ZNF217: variants seen among roughly 807,000 people sequenced by gnomAD.
ZNF217 encodes zinc finger protein 217.
A neutral mutation model predicts 73.3 loss-of-function variants in ZNF217; 12 were observed. The observed-to-expected ratio is 0.16, with a 90% CI of 0.10 to 0.27. The LOEUF (loss-of-function observed/expected upper bound fraction) is 0.27, where lower values mean the gene tolerates loss of function less well. Among genes scored for constraint, ZNF217 ranks in the 10% least tolerant of loss-of-function variants. The pLI, the probability that ZNF217 is intolerant of heterozygous loss-of-function variation, is 1.00. For missense variants in ZNF217, 1,195 were observed against 1,327.8 expected (o/e 0.90, Z 1.55); for synonymous variants, 588 against 516.4 (o/e 1.14, Z -1.88).
chr20:53,575,453 A>G, intron 4 of ZNF217: 2 of 328,548 alleles, frequency 6.1e-6, no homozygotes. Context: ...AATCTAGATG[A>G]CGGAGCAAGA....
Position 53,581,783 on chromosome 20 carries a change from T to C in ZNF217, c.1044A>G (p.Lys348=), listed in dbSNP as rs1371631813. ...KGSCAGLSQE[K]EKCKHSHGEA... is the part of the protein sequence containing the mutation. Reference sequence around the variant, plus strand: ...CGCCGTGGGAGTGTTTGCACTTCTCTTTCTCTTGCGAGAGGCCTGCACAAC... The same window carrying C: ...CGCCGTGGGAGTGTTTGCACTTCTCCTTCTCTTGCGAGAGGCCTGCACAAC... The change falls in exon 2 of 6, where the codon AAA becomes AAG. Residue 348 remains lysine (K), a synonymous_variant. Transcript: ENST00000371471. The surrounding 1 kb of genome is among the most constrained non-coding windows in gnomAD (Gnocchi z 4.9). The C allele has an allele frequency of 4.3e-6, 7 of 1,614,136 alleles. No homozygotes were observed. Among genetic ancestry groups the C allele is most frequent in the Admixed American group, 1.7e-5 (1 of 60,012 alleles).
At position 53,582,012 on chromosome 20, in the gene ZNF217, C is replaced by T. The variant is rs781674490; in HGVS notation, c.815G>A (p.Arg272Lys). The T allele has an allele frequency of 6.2e-7, 1 of 1,614,220 alleles. No homozygotes were observed. Among genetic ancestry groups the T allele is most frequent in the South Asian group, 1.1e-5 (1 of 91,090 alleles). ...REDFLQLFNL[R>K]PKSHPETGKK... The stretch of plus-strand genomic sequence containing the variant: ...CCCCGTTTCAGGGTGAGATTTTGGT[C>T]TCAAGTTGAACAACTGCAGGAAGTC... Residue 272 changes from arginine to lysine, a missense_variant, in exon 2 of 6, where the codon AGA becomes AAA. By Grantham distance (26) the Arg-to-Lys change is conservative (BLOSUM62 2). This residue lies in a region of ZNF217 where 126 missense variants were observed against 114.4 expected (regional missense o/e 1.10). Transcript: ENST00000371471. The surrounding 1 kb of genome is among the most constrained non-coding windows in gnomAD (Gnocchi z 4.8).
At position 53,575,787 on chromosome 20, in the gene ZNF217, A is replaced by G. The variant is rs761611870; in HGVS notation, c.2977T>C (p.Ser993Pro). ...VLTVQKPYGG[S>P]GPLYTCVPAG... ...GGCACACAAGTGTAAAGTGGCCCGG[A>G]GCCACCATAGGGCTTCTGAACAGTC... The change falls in exon 4 of 6, where the codon TCC becomes CCC. Residue 993 changes from serine (S) to proline (P), a missense_variant. Physicochemically the swap from Ser to Pro is moderately conservative, Grantham distance 74 (BLOSUM62 -1). This residue lies in a region of ZNF217 where 649 missense variants were observed against 642.8 expected (regional missense o/e 1.01). Transcript: ENST00000371471. 6.2e-6 allele frequency: 10 copies of G among 1,612,232 alleles called. No homozygotes were observed. The highest frequency in any genetic ancestry group is 8.5e-6 in the Non-Finnish European group (10 of 1,179,094).
Position 53,575,955 on chromosome 20 carries a change from T to C in ZNF217, c.2809A>G (p.Arg937Gly), listed in dbSNP as rs761062355. 4 of 1,614,086 alleles carry C rather than the reference T, an allele frequency of 2.5e-6. No homozygotes were observed. The African/African-American group carries it at 4.0e-5, about 16-fold the overall frequency. The change falls in exon 4 of 6, where the codon AGA (arginine) becomes GGA (glycine). Residue 937 changes from arginine to glycine, a missense_variant. Physicochemically the swap from Arg to Gly is moderately radical, Grantham distance 125. Transcript: ENST00000371471. ...TACTTGGGAAGGTCATAGCCTCTTCTGTAATTGGCCCCGGGCTGGTCAACG... is the reference window on the plus strand; with the variant it reads ...TACTTGGGAAGGTCATAGCCTCTTCCGTAATTGGCCCCGGGCTGGTCAACG... ...LDVDQPGANY[R>G]RGYDLPKYHM...
intron 4 of ZNF217, among the ~76,000 whole-genome samples, chr20:53,573,648 G>A (rs545941506): frequency 2.8e-4 from 42 of 152,178 alleles, no homozygotes; most frequent in Non-Finnish European, 4.6e-4. Context: ...TAGTAGAGAC[G>A]GGGTTTCACC....
Position 53,570,211 on chromosome 20 carries a change from T to A in ZNF217, c.*24-947A>T, listed in dbSNP as rs139437783. On this transcript the variant is annotated intron_variant, in intron 5 of 5. Coordinates refer to ENST00000371471, the MANE Select transcript of ZNF217 (RefSeq NM_006526.3). ...ATGTTTTAATATAGAGTGGACTGGA[T>A]CTTATTCCTGTGATGACAAAGCTTT... 1,524 of 152,784 alleles carry A rather than the reference T, an allele frequency of 1.0e-2. 9 individuals are homozygous for A. The highest frequency in any genetic ancestry group is 0.017 in the Non-Finnish European group (1,166 of 68,048). The allele number at this position is 152,784 out of a possible 1,614,324, so 9.5% of individuals were successfully genotyped here.
At chr20:53,591,534 A>G (rs1988879500) in intron 1 of ZNF217, among the ~76,000 whole-genome samples, 1 of 152,252 alleles carries the variant, frequency 6.6e-6, no homozygotes, top group Non-Finnish European at 1.5e-5. Context: ...GAATTTAAAT[A>G]TAACCGATTA....
chr20:53,575,987 G>A lies in ZNF217; in HGVS notation c.2777C>T (p.Ala926Val), dbSNP rs1299777202. 1.2e-6 allele frequency: 2 copies of A among 1,614,098 alleles called. No individual in the cohort carries two copies. Among genetic ancestry groups the A allele is most frequent in the Admixed American group, 1.7e-5 (1 of 60,006 alleles). The change falls in exon 4 of 6, where the codon GCC becomes GTC. Residue 926 changes from alanine (A) to valine (V), a missense_variant. This residue lies in a region of ZNF217 where 649 missense variants were observed against 642.8 expected (regional missense o/e 1.01). Transcript: ENST00000371471. The part of the protein sequence containing the change: ...LPKRLKSSVV[A>V]LDVDQPGANY... The stretch of plus-strand genomic sequence containing the variant: ...GGCCCCGGGCTGGTCAACGTCAAGG[G>A]CAACCACGCTGGACTTCAGTCTTTT...
chr20:53,583,581 A>G (rs1489752121), intron 1 of ZNF217, among the ~76,000 whole-genome samples: 1 of 152,274 alleles, frequency 6.6e-6, no homozygotes, highest in African/African-American at 2.4e-5. Context: ...ACACTTTAGT[A>G]AACTATTTTA....
At chr20:53,571,670 T>C in intron 5 of ZNF217, 51 bp downstream of exon 5, 1 of 1,559,570 alleles carries the variant, frequency 6.4e-7, no homozygotes, top group South Asian at 1.2e-5. Flanking sequence ...ACCTCCCAAA[T>C]GGCCACCGCA....
intron 1 of ZNF217, among the ~76,000 whole-genome samples, chr20:53,592,910 T>TTA (rs1448137470): frequency 6.6e-6 from 1 of 152,018 alleles, no homozygotes; most frequent in African/African-American, 2.4e-5. Context: ...TTCCTGCCCT[T>TTA]TAGAGTTCCC....
At chr20:53,574,807 A>C (rs1988177585) in intron 4 of ZNF217, 1 of 148,240 alleles carries the variant, frequency 6.7e-6, no homozygotes, top group African/African-American at 2.5e-5. Flanking sequence ...AAAAAAAAAA[A>C]AAAAGAAAGA....
chr20:53,569,405 G>C, intron 5 of ZNF217, 141 bp from the exon 6 acceptor site: 1 of 627,084 alleles, frequency 1.6e-6, no homozygotes, highest in South Asian at 2.0e-5. Flanking sequence ...TTGTTTTTGA[G>C]ACAGTCTCAC....
At chr20:53,579,995 G>T (rs2145951246) in intron 2 of ZNF217, among the ~76,000 whole-genome samples, 1 of 152,298 alleles carries the variant, frequency 6.6e-6, no homozygotes, top group Admixed American at 6.5e-5. Flanking sequence ...TTTCTTTCAG[G>T]GAACTGGGGC....
rs750474431 is a variant in ZNF217 at position 53,576,039 on chromosome 20, C to T, written c.2725G>A (p.Ala909Thr). The part of the protein sequence containing the change: ...YFCNRSASNT[A>T]AEFGEPLPKR... ...GGAAGGGGCTCACCAAATTCTGCTG[C>T]AGTATTGCTGGCACTCCGATTACAG... Residue 909 changes from alanine (A) to threonine (T), a missense_variant, in exon 4 of 6, where the codon GCA becomes ACA. Coordinates refer to ENST00000371471, the MANE Select transcript of ZNF217 (RefSeq NM_006526.3). The T allele has an allele frequency of 6.2e-7, 1 of 1,614,202 alleles. No individual in the cohort carries two copies. Among genetic ancestry groups the T allele is most frequent in the Non-Finnish European group, 8.5e-7 (1 of 1,180,028 alleles).
At position 53,576,374 on chromosome 20, in the gene ZNF217, G is replaced by A. The variant is rs1221581077; in HGVS notation, c.2390C>T (p.Pro797Leu). Reference sequence around the variant, plus strand: ...AGTCAGAGGGGCCTTGCCTGGCCCAGGAGGGCTCTGCTTCCCCTTCGCAGA... The same window carrying A: ...AGTCAGAGGGGCCTTGCCTGGCCCAAGAGGGCTCTGCTTCCCCTTCGCAGA... ...LPSAKGKQSPPGPGKAPLTSG... is the reference protein window; with the variant it reads ...LPSAKGKQSPLGPGKAPLTSG... Residue 797 changes from proline (P) to leucine (L), a missense_variant, in exon 4 of 6, where the codon CCT becomes CTT. By Grantham distance (98) the Pro-to-Leu change is moderately conservative. This residue lies in a region of ZNF217 where 649 missense variants were observed against 642.8 expected (regional missense o/e 1.01). Transcript: ENST00000371471. 1 of 1,614,226 alleles carries A rather than the reference G, an allele frequency of 6.2e-7. No individual in the cohort carries two copies. Among genetic ancestry groups the A allele is most frequent in the Non-Finnish European group, 8.5e-7 (1 of 1,180,038 alleles).
chr20:53,581,311 AGAGT>A lies in ZNF217; in HGVS notation c.1366+146_1366+149del. The A allele has an allele frequency of 9.1e-7, 1 of 1,093,606 alleles. No homozygotes were observed. The allele number at this position is 1,093,606 out of a possible 1,614,324, so 67.7% of individuals were successfully genotyped here. A position where few individuals can be genotyped will look rare whatever the true frequency, so the allele number is the denominator to read the frequency against. ...CCCTGAGAGGTTAAATGACTTACAC[AGAGT>A]GATACCAAAAAGAGCCTGGACTTGA... On this transcript the variant is annotated intron_variant, in intron 2 of 5. Coordinates refer to ENST00000371471, the MANE Select transcript of ZNF217 (RefSeq NM_006526.3). The surrounding 1 kb of genome is among the most constrained non-coding windows in gnomAD (Gnocchi z 4.9).
intron 4 of ZNF217, among the ~76,000 whole-genome samples, chr20:53,573,104 A>AT (rs1407198224): frequency 6.6e-6 from 1 of 150,584 alleles, no homozygotes; most frequent in Non-Finnish European, 1.5e-5. Context: ...TATCTGCAGT[A>AT]TTCATAGTAT....
At chr20:53,583,190 C>T (rs961744314) in intron 1 of ZNF217, 22 bp from the exon 2 acceptor site, 11 of 408,962 alleles carry the variant, frequency 2.7e-5, no homozygotes, top group Non-Finnish European at 4.7e-5. Context: ...AAAACAGAAA[C>T]GGTTAGCTAC....
Sources: allele counts gnomAD v4.1 joint callset (sites outside exome capture counted in the v4.1 genomes callset), GRCh38; gene constraint gnomAD v4.1.1; regional missense constraint gnomAD v4.1.1; non-coding constraint Gnocchi (gnomAD v3.1); transcripts MANE v1.5; gene names NCBI Gene and HGNC (gene_info 2026-07-23, HGNC 2026-07-21).